DLG5: variants seen among roughly 807,000 people sequenced by gnomAD.
DLG5 encodes the protein disks large homolog 5.
DLG5 carries 48 observed loss-of-function variants against 189.8 expected under a neutral mutation model. That is an observed-to-expected ratio of 0.25 (90% CI 0.20 to 0.32). DLG5 has a LOEUF of 0.32. Among genes scored for constraint, DLG5 ranks in the 10% least tolerant of loss-of-function variants. The pLI, the probability that DLG5 is intolerant of heterozygous loss-of-function variation, is 1.00. For synonymous variants in DLG5, 1,016 were observed against 1,054.1 expected (o/e 0.96, Z 0.70); for missense variants, 2,160 against 2,544.7 (o/e 0.85, Z 3.25).
At chr10:77,865,148 C>T (rs969280241) in intron 2 of DLG5, among the ~76,000 whole-genome samples, 1 of 152,190 alleles carries the variant, frequency 6.6e-6, no homozygotes, top group Non-Finnish European at 1.5e-5. Context: ...AATAGCCAGT[C>T]GTGCCAGACA....
intron 1 of DLG5, among the ~76,000 whole-genome samples, chr10:77,873,796 C>A (rs1344493582): frequency 6.6e-6 from 1 of 152,182 alleles, no homozygotes; most frequent in Non-Finnish European, 1.5e-5. Context: ...GGCAGAAAGG[C>A]AGAGAGCTGA....
chr10:77,910,987 GAAAA>G (rs55832630), intron 1 of DLG5, among the ~76,000 whole-genome samples: 10 of 84,258 alleles, frequency 1.2e-4, no homozygotes, highest in Non-Finnish European at 1.7e-4. Context: ...CTGTCTGAAG[GAAAA>G]AAAAAAAAAA....
rs113845218 is a variant in DLG5, at chr10:77,843,209, G to A, written c.1124+238C>T. Among the ~76,000 whole-genome samples, 1,156 of 152,262 alleles carry A rather than the reference G, an allele frequency of 7.6e-3. 11 individuals carry two copies. The highest frequency in any genetic ancestry group is 0.012 in the Non-Finnish European group (788 of 68,018). On this transcript the variant is annotated intron_variant, in intron 6 of 31. Coordinates refer to ENST00000372391, the MANE Select transcript of DLG5 (RefSeq NM_004747.4). ...GATTTCTACACGCTCAGAAAGGCCCGCTTGCAAGGCTAACCACTGAATGGT... is the reference window on the plus strand; with the variant it reads ...GATTTCTACACGCTCAGAAAGGCCCACTTGCAAGGCTAACCACTGAATGGT...
rs541547389 is a variant in DLG5 at position 77,824,581 on chromosome 10, G to A, written c.2290-105C>T. ...CTCCTGTGCTAGACAGTCACCAAATGCAAGGTGCCAAAGTCAGGAGTTGGC... is the reference window on the plus strand; with the variant it reads ...CTCCTGTGCTAGACAGTCACCAAATACAAGGTGCCAAAGTCAGGAGTTGGC... On this transcript the variant is annotated intron_variant, in intron 13 of 31. Transcript: ENST00000372391. 44 of 878,070 alleles carry A rather than the reference G, an allele frequency of 5.0e-5. No individual in the cohort carries two copies. In the East Asian group the frequency reaches 1.1e-3, roughly 22 times the overall value. 54.4% of individuals were successfully genotyped at this position (878,070 alleles called of 1,614,324 possible). A position where few individuals can be genotyped will look rare whatever the true frequency, so the allele number is the denominator to read the frequency against.
chr10:77,835,635 A>T, intron 8 of DLG5, 103 bp downstream of exon 8: 1 of 1,263,174 alleles, frequency 7.9e-7, no homozygotes. Context: ...CTCCCACTTT[A>T]CCTGGACATA....
intron 26 of DLG5, 103 bp downstream of exon 26, chr10:77,806,655 C>G: frequency 7.0e-7 from 1 of 1,438,218 alleles, no homozygotes; most frequent in Admixed American, 2.0e-5. Flanking sequence ...AGAATCCCTC[C>G]TCCAGCAGCC....
chr10:77,913,878 C>A (rs1846291404), intron 1 of DLG5, among the ~76,000 whole-genome samples: 1 of 152,116 alleles, frequency 6.6e-6, no homozygotes, highest in African/African-American at 2.4e-5. Flanking sequence ...TATAAGCCAC[C>A]ATGCCTGGCT....
intron 1 of DLG5, among the ~76,000 whole-genome samples, chr10:77,890,674 G>A (rs886372463): frequency 9.2e-5 from 14 of 152,238 alleles, no homozygotes; most frequent in Admixed American, 8.5e-4. Flanking sequence ...AAATTAGCTG[G>A]GCATAGTGGC....
the DLG5 span, among the ~76,000 whole-genome samples, chr10:77,936,776 A>G: frequency 1.3e-5 from 2 of 152,198 alleles, no homozygotes; most frequent in African/African-American, 2.4e-5. Flanking sequence ...TATCACCTCA[A>G]TTCTTTGCAG....
intron 14 of DLG5, among the ~76,000 whole-genome samples, chr10:77,823,530 CTTTTT>C (rs55870292): frequency 4.4e-5 from 6 of 135,256 alleles, no homozygotes; most frequent in South Asian, 2.4e-4. Flanking sequence ...ACTTCCCTTC[CTTTTT>C]TTTTTTTTTT....
intron 12 of DLG5, 66 bp downstream of exon 12, chr10:77,829,289 G>C: frequency 1.9e-6 from 3 of 1,599,414 alleles, no homozygotes; most frequent in Non-Finnish European, 2.6e-6. Context: ...GGGCACCCCC[G>C]GCCCCTGTCC....
intron 1 of DLG5, among the ~76,000 whole-genome samples, chr10:77,898,880 G>T (rs1020880808): frequency 2.6e-5 from 4 of 152,196 alleles, no homozygotes; most frequent in African/African-American, 9.6e-5. Flanking sequence ...ACGCCGGGAC[G>T]GGGCAGCAAT....
At chr10:77,875,735 C>T (rs1205901592) in intron 1 of DLG5, among the ~76,000 whole-genome samples, 2 of 151,956 alleles carry the variant, frequency 1.3e-5, no homozygotes, top group Non-Finnish European at 2.9e-5. Context: ...GGACAGAGGG[C>T]TCATATCCTA....
chr10:77,883,901 G>A (rs946466009), intron 1 of DLG5, among the ~76,000 whole-genome samples: 2 of 152,084 alleles, frequency 1.3e-5, no homozygotes, highest in African/African-American at 4.8e-5. Context: ...GTTTTGCCAT[G>A]TAGGCCAGGC....
intron 1 of DLG5, among the ~76,000 whole-genome samples, chr10:77,897,694 G>A (rs1248167073): frequency 6.7e-6 from 1 of 150,368 alleles, no homozygotes; most frequent in Admixed American, 6.6e-5. Context: ...GAGAGGGGGA[G>A]GGGGGAAAGG....
rs1405423747 is a variant in DLG5, at chr10:77,812,383, G to A, written c.4026-6C>T. On this transcript the variant is annotated splice_polypyrimidine_tract_variant and splice_region_variant and intron_variant, in intron 20 of 31. Transcript: ENST00000372391. ...GTGGCTCCTCCACATAAGGCCTAAG[G>A]AAAAGTCAAAAGTTTCGGGGACTCA... The A allele has an allele frequency of 6.2e-7, 1 of 1,603,122 alleles. No individual in the cohort carries two copies. Among genetic ancestry groups the A allele is most frequent in the Admixed American group, 1.7e-5 (1 of 59,848 alleles).
chr10:77,852,590 T>C (rs113679954), intron 5 of DLG5, among the ~76,000 whole-genome samples: 19,536 of 151,858 alleles, frequency 0.13, 4,175 homozygotes, highest in African/African-American at 0.45. Context: ...TAATTTTTTG[T>C]ATTTTTAGTA....
chr10:77,898,314 AG>A (rs1325996686), intron 1 of DLG5, among the ~76,000 whole-genome samples: 1 of 152,200 alleles, frequency 6.6e-6, no homozygotes, highest in African/African-American at 2.4e-5. Flanking sequence ...TTGGAGAAGG[AG>A]AGAGAAAAAG....
At chr10:77,869,030 C>A in intron 2 of DLG5, 99 bp downstream of exon 2, 2 of 956,426 alleles carry the variant, frequency 2.1e-6, no homozygotes, top group East Asian at 2.5e-5. Flanking sequence ...AGTAATCTGA[C>A]AAGGGAGAAC....
Sources: allele counts gnomAD v4.1 joint callset (sites outside exome capture counted in the v4.1 genomes callset), GRCh38; gene constraint gnomAD v4.1.1; transcripts MANE v1.5; gene names NCBI Gene and HGNC (gene_info 2026-07-23, HGNC 2026-07-21).